Variants in SAMMSON observed in about 807,000 individuals in gnomAD.
The protein encoded by SAMMSON is long intergenic non-protein coding RNA 1212.
At chr3:70,401,487 C>G (rs1701141475) in intron 2 of SAMMSON, among the ~76,000 whole-genome samples, 2 of 152,104 alleles carry the variant, frequency 1.3e-5, no homozygotes, top group African/African-American at 4.8e-5. Context: ...TGAAATAATT[C>G]AGTGATTATT....
At chr3:70,043,673 A>G (rs1352640656) in intron 3 of SAMMSON, among the ~76,000 whole-genome samples, 1 of 152,026 alleles carries the variant, frequency 6.6e-6, no homozygotes, top group Non-Finnish European at 1.5e-5. Flanking sequence ...CTTTGTGTTT[A>G]TAAACTGATA....
intron 7 of SAMMSON, among the ~76,000 whole-genome samples, chr3:70,339,150 G>A (rs1205359599): frequency 1.3e-5 from 2 of 152,162 alleles, no homozygotes; most frequent in African/African-American, 4.8e-5. Context: ...AAGCAATGGG[G>A]AAAGGATTTC....
At chr3:70,035,140 G>T (rs567320992) in intron 3 of SAMMSON, among the ~76,000 whole-genome samples, 2 of 152,168 alleles carry the variant, frequency 1.3e-5, no homozygotes, top group East Asian at 1.9e-4. Flanking sequence ...GCCCATCCAG[G>T]TTATTGGCAG....
chr3:70,289,615 A>G (rs199937535), intron 6 of SAMMSON, among the ~76,000 whole-genome samples: 10,353 of 150,052 alleles, frequency 0.069, 538 homozygotes, highest in East Asian at 0.27. Flanking sequence ...CTGCCTTGCT[A>G]GATTGGGGAA....
intron 7 of SAMMSON, among the ~76,000 whole-genome samples, chr3:70,302,109 G>A (rs1030291517): frequency 2.0e-5 from 3 of 151,962 alleles, no homozygotes; most frequent in Admixed American, 1.3e-4. Context: ...GAAGTTATAC[G>A]CTGGCAAAAC....
At chr3:70,036,529 C>T (rs957350252) in intron 3 of SAMMSON, among the ~76,000 whole-genome samples, 1 of 152,092 alleles carries the variant, frequency 6.6e-6, no homozygotes, top group Admixed American at 6.6e-5. Flanking sequence ...CAATTCTGAC[C>T]AATGAAAGTT....
intron 9 of SAMMSON, among the ~76,000 whole-genome samples, chr3:70,386,966 G>A (rs948070371): frequency 2.0e-5 from 3 of 152,086 alleles, no homozygotes; most frequent in South Asian, 2.1e-4. Context: ...ATGAACAGAT[G>A]CCTTGGTCAG....
intron 9 of SAMMSON, among the ~76,000 whole-genome samples, chr3:70,358,906 GT>G (rs1702850627): frequency 6.6e-6 from 1 of 152,064 alleles, no homozygotes; most frequent in Non-Finnish European, 1.5e-5. Context: ...TATGGCTTTG[GT>G]TTTAATACTA....
At chr3:70,017,505 G>A (rs1335841961) in intron 3 of SAMMSON, among the ~76,000 whole-genome samples, 1 of 152,082 alleles carries the variant, frequency 6.6e-6, no homozygotes, top group Non-Finnish European at 1.5e-5. Context: ...GGGTTTTCTA[G>A]ATATACAATC....
At chr3:70,202,231 G>T (rs2106720857) in intron 4 of SAMMSON, among the ~76,000 whole-genome samples, 1 of 152,206 alleles carries the variant, frequency 6.6e-6, no homozygotes, top group South Asian at 2.1e-4. Flanking sequence ...TCTGCTAATG[G>T]TTAGTGACTA....
intron 3 of SAMMSON, among the ~76,000 whole-genome samples, chr3:70,037,289 G>A (rs1286078846): frequency 6.6e-6 from 1 of 152,050 alleles, no homozygotes; most frequent in African/African-American, 2.4e-5. Flanking sequence ...TAGCCTGAGT[G>A]GTAGTCATAT....
intron 3 of SAMMSON, chr3:70,065,121 G>T (rs2067204745): frequency 6.6e-6 from 1 of 152,038 alleles, no homozygotes; most frequent in South Asian, 2.1e-4. Flanking sequence ...TCATACACTT[G>T]TTCCATTTTT....
At chr3:70,257,906 C>G (rs758568021) in intron 6 of SAMMSON, among the ~76,000 whole-genome samples, 7 of 152,084 alleles carry the variant, frequency 4.6e-5, no homozygotes, top group Non-Finnish European at 8.8e-5. Context: ...ATCATGACAG[C>G]ATGGTATTGG....
At chr3:70,254,111 T>A (rs1701793409) in intron 6 of SAMMSON, among the ~76,000 whole-genome samples, 1 of 149,112 alleles carries the variant, frequency 6.7e-6, no homozygotes, top group South Asian at 2.2e-4. Flanking sequence ...GCATTAAAAT[T>A]TTTTGGTAAT....
chr3:70,333,276 C>G (rs1702638818), intron 7 of SAMMSON, among the ~76,000 whole-genome samples: 1 of 152,042 alleles, frequency 6.6e-6, no homozygotes, highest in Non-Finnish European at 1.5e-5. Context: ...AACATGTGAC[C>G]TGATCCTGCC....
chr3:70,199,725 C>T (rs1388134873), intron 4 of SAMMSON, among the ~76,000 whole-genome samples: 1 of 152,212 alleles, frequency 6.6e-6, no homozygotes, highest in Non-Finnish European at 1.5e-5. Context: ...TGGATTTCCT[C>T]TTGTCCTGAA....
intron 7 of SAMMSON, among the ~76,000 whole-genome samples, chr3:70,334,679 C>T (rs1702648674): frequency 6.6e-6 from 1 of 152,042 alleles, no homozygotes; most frequent in Non-Finnish European, 1.5e-5. Context: ...CTCACAACAA[C>T]CCTGTAAGCT....
chr3:70,247,657 C>T (rs1424500827), intron 4 of SAMMSON, among the ~76,000 whole-genome samples: 1 of 151,780 alleles, frequency 6.6e-6, no homozygotes, highest in African/African-American at 2.4e-5. Context: ...CACAAGGTAA[C>T]TATTTTTATC....
chr3:70,204,676 G>A (rs1701273860), intron 4 of SAMMSON: 1 of 150,342 alleles, frequency 6.7e-6, no homozygotes, highest in Non-Finnish European at 1.5e-5. Flanking sequence ...TTTTTGAATG[G>A]GGCTCTTGAG....
Sources: gnomAD v4.1 joint callset for allele counts (sites outside exome capture counted in the v4.1 genomes callset) on GRCh38, gnomAD v4.1.1 for gene constraint, MANE v1.5 for transcripts, NCBI Gene and HGNC (gene_info 2026-07-23, HGNC 2026-07-21) for gene names.